GPM6A: variants seen among roughly 807,000 people sequenced by gnomAD.
GPM6A encodes the protein glycoprotein M6A, also known as neuronal membrane glycoprotein M6-a.
A neutral mutation model predicts 32.1 loss-of-function variants in GPM6A; 7 were observed. The observed-to-expected ratio is 0.22, with a 90% confidence interval of 0.12 to 0.41. GPM6A has a LOEUF of 0.41. Among genes scored for constraint, GPM6A ranks in the 10% least tolerant of loss-of-function variants. The probability of loss-of-function intolerance (pLI) is 1.00; values close to 1 mark genes in which losing one functional copy is unlikely to be tolerated. For missense variants in GPM6A, 235 were observed against 347.2 expected (o/e 0.68, Z 2.57); for synonymous variants, 130 against 123.4 (o/e 1.05, Z -0.35).
intron 1 of GPM6A, among the ~76,000 whole-genome samples, chr4:175,818,007 C>G (rs913703287): frequency 3.3e-5 from 5 of 152,156 alleles, no homozygotes; most frequent in African/African-American, 1.2e-4. Flanking sequence ...GTATCTTAGG[C>G]TCTTTCTTAC....
At chr4:175,867,310 C>T (rs1405578205) in intron 1 of GPM6A, among the ~76,000 whole-genome samples, 1 of 152,072 alleles carries the variant, frequency 6.6e-6, no homozygotes, top group African/African-American at 2.4e-5. Context: ...CAATGTTGAA[C>T]CTAAAAAGTC....
intron 1 of GPM6A, among the ~76,000 whole-genome samples, chr4:175,870,051 A>G (rs1185103053): frequency 1.3e-5 from 2 of 152,186 alleles, no homozygotes; most frequent in East Asian, 1.9e-4. Context: ...TAGGCATGTT[A>G]TTTACTTTCT....
intron 2 of GPM6A, among the ~76,000 whole-genome samples, chr4:175,686,075 C>T (rs962204524): frequency 6.6e-6 from 1 of 152,144 alleles, no homozygotes; most frequent in African/African-American, 2.4e-5. Flanking sequence ...AGCAGGAAAT[C>T]AGATGTGCCT....
At chr4:175,917,806 G>C (rs1024892335) in intron 1 of GPM6A, among the ~76,000 whole-genome samples, 2 of 151,812 alleles carry the variant, frequency 1.3e-5, no homozygotes, top group Admixed American at 1.3e-4. Flanking sequence ...GAGAAAAAAA[G>C]CTTTCTAAAG....
intron 1 of GPM6A, among the ~76,000 whole-genome samples, chr4:175,726,642 C>T (rs952530814): frequency 4.6e-5 from 7 of 151,956 alleles, no homozygotes; most frequent in African/African-American, 1.7e-4. Flanking sequence ...TATGAAATTC[C>T]AAAGCATTAT....
chr4:175,852,139 G>A (rs1450007682), intron 1 of GPM6A, among the ~76,000 whole-genome samples: 1 of 152,088 alleles, frequency 6.6e-6, no homozygotes, highest in Non-Finnish European at 1.5e-5. Context: ...GATGAGACCA[G>A]AAAGTGAAAT....
intron 1 of GPM6A, among the ~76,000 whole-genome samples, chr4:175,842,412 C>A (rs575659370): frequency 2.6e-4 from 39 of 152,178 alleles, no homozygotes; most frequent in African/African-American, 7.9e-4. Flanking sequence ...TTGATGCTCA[C>A]ACACATTACA....
intron 1 of GPM6A, among the ~76,000 whole-genome samples, chr4:175,963,114 A>T (rs1740219216): frequency 6.6e-6 from 1 of 152,164 alleles, no homozygotes; most frequent in African/African-American, 2.4e-5. Flanking sequence ...AACATCAAAA[A>T]AGAAATGTAA....
chr4:175,686,314 C>A (rs1743978272), intron 2 of GPM6A, among the ~76,000 whole-genome samples: 1 of 152,144 alleles, frequency 6.6e-6, no homozygotes, highest in African/African-American at 2.4e-5. Context: ...TAACTTTGCA[C>A]CAAGCAAATA....
intron 1 of GPM6A, among the ~76,000 whole-genome samples, chr4:175,873,485 C>T (rs1736979477): frequency 6.6e-6 from 1 of 152,088 alleles, no homozygotes; most frequent in East Asian, 1.9e-4. Context: ...ATATTTTCCA[C>T]AAATCAATGG....
At chr4:175,666,455 CA>C (rs923789514) in intron 3 of GPM6A, among the ~76,000 whole-genome samples, 4 of 151,418 alleles carry the variant, frequency 2.6e-5, no homozygotes, top group South Asian at 2.1e-4. Flanking sequence ...AAGGCAGAGT[CA>C]AAAAAAATGT....
In GPM6A at chr4:175,827,054, G is replaced by T. The variant is rs145780721; in HGVS notation, c.-22-14805C>A. Among the ~76,000 whole-genome samples the T allele has an allele frequency of 7.2e-5, 11 of 152,248 alleles. No individual in the cohort carries two copies. In the East Asian group the frequency reaches 1.9e-3, roughly 27 times the overall value. ...ACAAGATCTCATTTTATCCCTCCAA[G>T]ATGCCCATGAAGTAAGTATCATTAA... On this transcript the variant is annotated intron_variant, in intron 1 of 7. Coordinates refer to the GPM6A transcript ENST00000280187.
intron 1 of GPM6A, among the ~76,000 whole-genome samples, chr4:175,990,631 GGGGGTGAAGT>G: frequency 6.7e-6 from 1 of 149,762 alleles, no homozygotes; most frequent in Non-Finnish European, 1.5e-5. Flanking sequence ...GGCTGCTTTT[GGGGGTGAAGT>G]AGTTTTTTTT....
chr4:175,920,652 A>G (rs1738635235), intron 1 of GPM6A, among the ~76,000 whole-genome samples: 2 of 152,114 alleles, frequency 1.3e-5, no homozygotes, highest in Non-Finnish European at 2.9e-5. Flanking sequence ...GTTCGAGACT[A>G]GCCTGGGCAA....
intron 1 of GPM6A, among the ~76,000 whole-genome samples, chr4:175,739,640 G>A (rs1731800763): frequency 6.6e-6 from 1 of 152,066 alleles, no homozygotes; most frequent in Non-Finnish European, 1.5e-5. Context: ...CCATTCATGA[G>A]TCACATTTTT....
At chr4:175,660,439 A>C (rs2110943921) in intron 3 of GPM6A, among the ~76,000 whole-genome samples, 1 of 152,314 alleles carries the variant, frequency 6.6e-6, no homozygotes, top group Non-Finnish European at 1.5e-5. Flanking sequence ...GTATGGCACT[A>C]ATGATAAATA....
intron 1 of GPM6A, among the ~76,000 whole-genome samples, chr4:175,866,343 T>G (rs1275050960): frequency 6.6e-6 from 1 of 152,094 alleles, no homozygotes; most frequent in Admixed American, 6.6e-5. Flanking sequence ...ATGTTAAGAT[T>G]TGGACAAATG....
chr4:175,975,065 C>T (rs1740619913), intron 1 of GPM6A, among the ~76,000 whole-genome samples: 2 of 152,150 alleles, frequency 1.3e-5, no homozygotes, highest in African/African-American at 2.4e-5. Context: ...TTCACACATG[C>T]CTCTCTAATA....
At chr4:175,861,695 G>A (rs1383676109) in intron 1 of GPM6A, among the ~76,000 whole-genome samples, 1 of 143,510 alleles carries the variant, frequency 7.0e-6, no homozygotes, top group Non-Finnish European at 1.5e-5. Context: ...AGATTACAGT[G>A]AGCCAAGATG....
Sources: allele counts gnomAD v4.1 joint callset (sites outside exome capture counted in the v4.1 genomes callset), GRCh38; gene constraint gnomAD v4.1.1; transcripts MANE v1.5; gene names NCBI Gene and HGNC (gene_info 2026-07-23, HGNC 2026-07-21).